SPATA33: variants seen among roughly 807,000 people sequenced by gnomAD.
The protein encoded by SPATA33 is spermatogenesis-associated protein 33.
A neutral mutation model predicts 8.9 loss-of-function variants in SPATA33; 10 were observed. The observed-to-expected ratio is 1.12, with a 90% CI of 0.69 to 1.90. SPATA33 has a LOEUF of 1.90. SPATA33 is among the 40% of genes most tolerant of loss of function. The probability of loss-of-function intolerance (pLI) is 0.00; values close to 1 mark genes in which losing one functional copy is unlikely to be tolerated. For synonymous variants in SPATA33, 96 were observed against 72.8 expected (o/e 1.32, Z -1.63); for missense variants, 241 against 178.3 (o/e 1.35, Z -2.00).
At chr16:89,661,772 G>T (rs569708078) in intron 2 of SPATA33, among the ~76,000 whole-genome samples, 41 of 152,256 alleles carry the variant, frequency 2.7e-4, no homozygotes, top group African/African-American at 8.2e-4. Context: ...CCTGGGCTCA[G>T]TCACGCCTGA....
At chr16:89,666,189 C>T (rs1366705188) in intron 2 of SPATA33, among the ~76,000 whole-genome samples, 1 of 152,058 alleles carries the variant, frequency 6.6e-6, no homozygotes, top group African/African-American at 2.4e-5. Flanking sequence ...TAAAAAAAAG[C>T]CAGATATGGT....
intron 2 of SPATA33, chr16:89,661,075 GAGAAA>G (rs2059960019): frequency 2.0e-6 from 2 of 986,258 alleles, no homozygotes; most frequent in Middle Eastern, 5.2e-4. Context: ...ATAAAATCCA[GAGAAA>G]AGAAAATCGT....
chr16:89,658,233 A>G lies in SPATA33; in HGVS notation c.38-15A>G. 1.2e-6 allele frequency: 2 copies of G among 1,613,974 alleles called. No individual in the cohort carries two copies. The highest frequency in any genetic ancestry group is 1.7e-6 in the Non-Finnish European group (2 of 1,179,866). On this transcript the variant is annotated splice_polypyrimidine_tract_variant and intron_variant, in intron 1 of 2. Transcript: ENST00000579310. ...CGGTAAGTCCCGGGTCTAACGGATGATCCATATATTTCAGGTGAGGAGCAA... is the reference window on the plus strand; with the variant it reads ...CGGTAAGTCCCGGGTCTAACGGATGGTCCATATATTTCAGGTGAGGAGCAA...
Position 89,661,632 on chromosome 16 carries a change from TACAA to T in SPATA33, c.211+3215_211+3218del, listed in dbSNP as rs559174626. 1.6e-3 allele frequency: 237 copies of T among 152,238 alleles called. 1 individual carries two copies. Among genetic ancestry groups the T allele is most frequent in the African/African-American group, 5.5e-3 (229 of 41,534 alleles). The allele number at this position is 152,238 out of a possible 1,614,324, so 9.4% of individuals were successfully genotyped here. A position where few individuals can be genotyped will look rare whatever the true frequency, so the allele number is the denominator to read the frequency against. On this transcript the variant is annotated intron_variant, in intron 2 of 2. Transcript: ENST00000579310. ...TTTTGCATTACAAAATTCACAAACA[TACAA>T]ACATTATAGAGAACTAACATCACAG...
At chr16:89,657,980 G>A in intron 1 of SPATA33, 32 bp downstream of exon 1, 7 of 1,504,850 alleles carry the variant, frequency 4.7e-6, no homozygotes, top group East Asian at 2.7e-5. Context: ...GGCTCCCCGC[G>A]TCTCCGCCCC....
rs780422141 is a variant in SPATA33 at position 89,660,283 on chromosome 16, G to C, written c.211+1862G>C. Reference sequence around the variant, plus strand: ...AGGAAACCTTTCCCAGGAAGGCTTCGCCTGCCCAGCCTCTGCAGGACTCAT... The same window carrying C: ...AGGAAACCTTTCCCAGGAAGGCTTCCCCTGCCCAGCCTCTGCAGGACTCAT... On this transcript the variant is annotated intron_variant, in intron 2 of 2. Transcript: ENST00000579310. 2.5e-5 allele frequency: 10 copies of C among 393,510 alleles called. 1 individual carries two copies. The highest frequency in any genetic ancestry group is 1.4e-4 in the African/African-American group (7 of 48,556). 24.4% of individuals were successfully genotyped at this position (393,510 alleles called of 1,614,324 possible).
At position 89,669,446 on chromosome 16, in the gene SPATA33, G is replaced by A; in HGVS notation, c.372G>A (p.Arg124=). Reference sequence around the variant, plus strand: ...CGGAGGACTGGGGCCCCTACCGGCGGCACAGGAACCCCAGTACAGCAGACG... The same window carrying A: ...CGGAGGACTGGGGCCCCTACCGGCGACACAGGAACCCCAGTACAGCAGACG... ...REPEDWGPYR[R]HRNPSTADAY... Residue 124 remains arginine, a synonymous_variant, in exon 3 of 3, where the codon CGG becomes CGA. Transcript: ENST00000579310. The A allele has an allele frequency of 6.2e-7, 1 of 1,613,866 alleles. No individual in the cohort carries two copies. Among genetic ancestry groups the A allele is most frequent in the Non-Finnish European group, 8.5e-7 (1 of 1,180,026 alleles).
chr16:89,660,247 T>G, intron 2 of SPATA33: 1 of 337,716 alleles, frequency 3.0e-6, no homozygotes, highest in Non-Finnish European at 5.3e-6. Flanking sequence ...GCTCCTTGCT[T>G]CATATTAGCA....
At chr16:89,664,267 G>C (rs906939378) in intron 2 of SPATA33, among the ~76,000 whole-genome samples, 1 of 152,230 alleles carries the variant, frequency 6.6e-6, no homozygotes, top group African/African-American at 2.4e-5. Context: ...AAGAATATCA[G>C]TTGACTCTGG....
Position 89,664,199 on chromosome 16 carries a change from T to A in SPATA33, c.212-5087T>A, listed in dbSNP as rs557997634. Among the ~76,000 whole-genome samples the A allele has an allele frequency of 7.2e-5, 11 of 152,304 alleles. No homozygotes were observed. In the East Asian group the frequency reaches 1.5e-3, roughly 21 times the overall value. On this transcript the variant is annotated intron_variant, in intron 2 of 2. Coordinates refer to ENST00000579310, the MANE Select transcript of SPATA33 (RefSeq NM_001271907.2). ...TGTTAAACCTCTCCCCAAACTCTTA[T>A]AAACAATTGTAGAACAAATGATAAG...
intron 2 of SPATA33, chr16:89,660,573 T>G (rs2059953858): frequency 8.1e-7 from 1 of 1,230,354 alleles, no homozygotes; most frequent in African/African-American, 1.6e-5. Flanking sequence ...AGCAGGCTGC[T>G]GACTCCCTTG....
At chr16:89,658,663 C>T (rs1030045513) in intron 2 of SPATA33, 63 of 561,862 alleles carry the variant, frequency 1.1e-4, no homozygotes, top group African/African-American at 1.1e-3. Flanking sequence ...ACCAGGTGGT[C>T]GAGGGGCTGG....
chr16:89,667,096 G>C (rs895873376), intron 2 of SPATA33, among the ~76,000 whole-genome samples: 2 of 152,190 alleles, frequency 1.3e-5, no homozygotes, highest in African/African-American at 4.8e-5. Context: ...GGGAAAGGGA[G>C]ACTCCCTTTC....
At chr16:89,666,259 C>T (rs990704500) in intron 2 of SPATA33, among the ~76,000 whole-genome samples, 2 of 151,962 alleles carry the variant, frequency 1.3e-5, no homozygotes, top group African/African-American at 2.4e-5. Context: ...CAGTGAGGTC[C>T]GAGGATCACT....
chr16:89,665,678 A>G (rs1443892288), intron 2 of SPATA33, among the ~76,000 whole-genome samples: 2 of 152,226 alleles, frequency 1.3e-5, no homozygotes, highest in African/African-American at 4.8e-5. Flanking sequence ...TTAGACTAGA[A>G]AATTTCAATA....
intron 2 of SPATA33, chr16:89,660,615 A>G (rs2059954665): frequency 8.9e-7 from 1 of 1,128,620 alleles, no homozygotes; most frequent in Non-Finnish European, 1.1e-6. Context: ...AAGGTGGGAC[A>G]CTGAGTGAGA....
chr16:89,662,623 C>T (rs941802497), intron 2 of SPATA33, among the ~76,000 whole-genome samples: 10 of 151,960 alleles, frequency 6.6e-5, no homozygotes, highest in Non-Finnish European at 1.5e-4. Flanking sequence ...GATGAGGTTT[C>T]GCCACGTTGG....
intron 2 of SPATA33, among the ~76,000 whole-genome samples, chr16:89,663,544 C>T (rs919884377): frequency 3.9e-5 from 6 of 152,110 alleles, no homozygotes; most frequent in African/African-American, 9.7e-5. Context: ...CATACCCGGC[C>T]GTGATTCCAT....
At chr16:89,658,044 G>A in intron 1 of SPATA33, 96 bp downstream of exon 1, 2 of 1,453,830 alleles carry the variant, frequency 1.4e-6, no homozygotes, top group Non-Finnish European at 1.8e-6. Context: ...GAGCGCAGGC[G>A]CCAGGCTCGG....
Sources: gnomAD v4.1 joint callset for allele counts (sites outside exome capture counted in the v4.1 genomes callset) on GRCh38, gnomAD v4.1.1 for gene constraint, MANE v1.5 for transcripts, NCBI Gene and HGNC (gene_info 2026-07-23, HGNC 2026-07-21) for gene names.